GADL1: variants seen among roughly 807,000 people sequenced by gnomAD.
GADL1 encodes acidic amino acid decarboxylase GADL1.
In GADL1, 71 loss-of-function variants were observed where a neutral mutation model predicts 69.5. The ratio of observed to expected loss-of-function variants is 1.02; its 90% confidence interval spans 0.84 to 1.25. The LOEUF (loss-of-function observed/expected upper bound fraction) is 1.25. Among genes scored for constraint, GADL1 ranks in the 50% most tolerant of loss-of-function variants. The pLI is 0.00. For synonymous variants in GADL1, 254 were observed against 214.4 expected, an observed-to-expected ratio of 1.18 and a Z score of -1.62; for missense variants, 737 against 631.8, an observed-to-expected ratio of 1.17 and a Z score of -1.79.
At chr3:30,840,718 C>T (rs997224007) in intron 8 of GADL1, among the ~76,000 whole-genome samples, 7 of 152,136 alleles carry the variant, frequency 4.6e-5, no homozygotes, top group Non-Finnish European at 7.4e-5. Flanking sequence ...TTTTCCTCAC[C>T]TTTAAAAAAA....
chr3:30,829,859 ACAAATAGTAATTATACACACTATTATG>A (rs1697758405), intron 11 of GADL1, among the ~76,000 whole-genome samples: 1 of 151,954 alleles, frequency 6.6e-6, no homozygotes, highest in Non-Finnish European at 1.5e-5. Context: ...AATCATAATT[ACAAATAGTAATTATACACACTATTATG>A]CAAATAGTAA....
chr3:30,843,190 A>G (rs1697996687), intron 8 of GADL1, among the ~76,000 whole-genome samples: 1 of 151,900 alleles, frequency 6.6e-6, no homozygotes, highest in Non-Finnish European at 1.5e-5. Context: ...GGGATGGGAG[A>G]GAAGCAGCAA....
At chr3:30,844,115 G>A in intron 8 of GADL1, 95 bp downstream of exon 8, 3 of 910,772 alleles carry the variant, frequency 3.3e-6, no homozygotes, top group Non-Finnish European at 5.2e-6. Context: ...TTGGCTGTTT[G>A]CATTCTCTCC....
At chr3:30,850,162 G>T (rs113168495) in intron 5 of GADL1, 51 bp from the exon 6 acceptor site, 9 of 962,254 alleles carry the variant, frequency 9.4e-6, no homozygotes, top group East Asian at 2.5e-5. Context: ...GTTATAGCTC[G>T]CAAAATGCTG....
At chr3:30,769,510 C>G (rs117019208) in intron 14 of GADL1, among the ~76,000 whole-genome samples, 1 of 152,122 alleles carries the variant, frequency 6.6e-6, no homozygotes, top group Non-Finnish European at 1.5e-5. Flanking sequence ...CTGCTTCCCC[C>G]CTGTGCCTGC....
At chr3:30,817,239 T>C (rs1222176339) in intron 11 of GADL1, among the ~76,000 whole-genome samples, 1 of 152,152 alleles carries the variant, frequency 6.6e-6, no homozygotes, top group Non-Finnish European at 1.5e-5. Context: ...TGTAGAGGCA[T>C]TGAGAAAAAT....
chr3:30,822,047 C>T (rs869486), intron 11 of GADL1, among the ~76,000 whole-genome samples: 55,252 of 151,762 alleles, frequency 0.36, 13,807 homozygotes, highest in African/African-American at 0.68. Context: ...TTAGGTTTCA[C>T]TTGGTACACC....
intron 1 of GADL1, among the ~76,000 whole-genome samples, chr3:30,894,227 G>A (rs2125549580): frequency 6.6e-6 from 1 of 152,298 alleles, no homozygotes; most frequent in South Asian, 2.1e-4. Context: ...TTGTCCCCCA[G>A]AAAGAAGCAA....
intron 6 of GADL1, among the ~76,000 whole-genome samples, chr3:30,846,055 A>C (rs1453795984): frequency 1.2e-5 from 1 of 85,296 alleles, no homozygotes; most frequent in Non-Finnish European, 2.0e-5. Flanking sequence ...TAGATAGATC[A>C]AAAAAAAAAA....
intron 9 of GADL1, among the ~76,000 whole-genome samples, chr3:30,837,548 A>G (rs181393011): frequency 1.8e-4 from 27 of 152,272 alleles, no homozygotes; most frequent in African/African-American, 5.5e-4. Context: ...AATTTTCTCT[A>G]AGCCCCATAA....
At position 30,887,497 on chromosome 3, in the gene GADL1, A is replaced by G. The variant is rs1464706905; in HGVS notation, c.37+7081T>C. On this transcript the variant is annotated intron_variant, in intron 1 of 14. Coordinates refer to ENST00000282538, the MANE Select transcript of GADL1 (RefSeq NM_207359.3). ...GCCCCTTCGCCATGTAATGCCCTGC[A>G]CCACCTTGGGATACTGAAAAGAATC... Among the ~76,000 whole-genome samples the G allele has an allele frequency of 7.9e-5, 12 of 152,280 alleles. No individual in the cohort carries two copies. The East Asian group carries it at 2.3e-3, about 29-fold the overall frequency.
chr3:30,892,523 C>T (rs1203201049), intron 1 of GADL1, among the ~76,000 whole-genome samples: 1 of 152,172 alleles, frequency 6.6e-6, no homozygotes, highest in Non-Finnish European at 1.5e-5. Flanking sequence ...AGATTTAAGG[C>T]AAACTTTGAA....
chr3:30,815,639 A>G (rs184488255), intron 11 of GADL1, among the ~76,000 whole-genome samples: 9 of 152,368 alleles, frequency 5.9e-5, no homozygotes, highest in Non-Finnish European at 1.3e-4. Flanking sequence ...TTTATAGGTC[A>G]GTTTAACCCG....
At position 30,857,208 on chromosome 3, in the gene GADL1, C is replaced by T. The variant is rs11919706; in HGVS notation, c.211-67G>A. 4,806 of 1,372,480 alleles carry T rather than the reference C, an allele frequency of 3.5e-3. 83 individuals carry two copies. The African/African-American group carries it at 0.044, about 13-fold the overall frequency. The allele number at this position is 1,372,480 out of a possible 1,614,324, so 85.0% of individuals were successfully genotyped here. A position where few individuals can be genotyped will look rare whatever the true frequency, so the allele number is the denominator to read the frequency against. Reference sequence around the variant, plus strand: ...CCAGGTATTGAGAGGATGTTACAAACGTGGACTCTACCATTACAAAGCTTC... The same window carrying T: ...CCAGGTATTGAGAGGATGTTACAAATGTGGACTCTACCATTACAAAGCTTC... On this transcript the variant is annotated intron_variant, in intron 2 of 14. Coordinates refer to ENST00000282538, the MANE Select transcript of GADL1 (RefSeq NM_207359.3).
At chr3:30,834,409 A>C in intron 9 of GADL1, 128 bp from the exon 10 acceptor site, 1 of 737,804 alleles carries the variant, frequency 1.4e-6, no homozygotes, top group Middle Eastern at 2.5e-4. Flanking sequence ...CATGTTAACT[A>C]ATTTGTACCC....
At chr3:30,827,358 A>G (rs1445612586) in intron 11 of GADL1, among the ~76,000 whole-genome samples, 1 of 151,830 alleles carries the variant, frequency 6.6e-6, no homozygotes, top group African/African-American at 2.4e-5. Flanking sequence ...GTGGTAACTG[A>G]TGATTGAGAT....
chr3:30,740,105 C>T (rs1024853881), intron 14 of GADL1, among the ~76,000 whole-genome samples: 3 of 152,074 alleles, frequency 2.0e-5, no homozygotes, highest in African/African-American at 7.2e-5. Context: ...TAGAGGGGCT[C>T]CCACAAGGGG....
chr3:30,867,439 T>TATATATATATATATAC lies in GADL1; in HGVS notation c.38-5675_38-5674insGTATATATATATATAT, dbSNP rs1319135425. Among the ~76,000 whole-genome samples, 59 of 138,868 alleles carry TATATATATATATATAC rather than the reference T, an allele frequency of 4.2e-4. 1 individual carries two copies. The highest frequency in any genetic ancestry group is 3.7e-3 in the East Asian group (16 of 4,378). 91.1% of individuals were successfully genotyped at this position (138,868 alleles called of 152,430 possible). On this transcript the variant is annotated intron_variant, in intron 1 of 14. Transcript: ENST00000282538. ...ACAATACTACATATATATATATATATACACATATATGTATATATATACATA... is the reference window on the plus strand; with the variant it reads ...ACAATACTACATATATATATATATATATATATATATATATACACACATATATGTATATATATACATA...
chr3:30,727,036 T>C lies in GADL1; in HGVS notation c.*1206A>G, dbSNP rs1199941135. Reference sequence around the variant, plus strand: ...CCCTATGAGGCACAGAGCAAGATAATAAACAAGCCCCTCAAGCTAAAAGAG... The same window carrying C: ...CCCTATGAGGCACAGAGCAAGATAACAAACAAGCCCCTCAAGCTAAAAGAG... On this transcript the variant is annotated 3_prime_UTR_variant, in exon 15 of 15. Coordinates refer to ENST00000282538, the MANE Select transcript of GADL1 (RefSeq NM_207359.3). 1 of 151,830 alleles carries C rather than the reference T, an allele frequency of 6.6e-6. No individual in the cohort carries two copies. Among genetic ancestry groups the C allele is most frequent in the Non-Finnish European group, 1.5e-5 (1 of 67,886 alleles). 9.4% of individuals were successfully genotyped at this position (151,830 alleles called of 1,614,324 possible). A position where few individuals can be genotyped will look rare whatever the true frequency, so the allele number is the denominator to read the frequency against.
Sources: allele counts gnomAD v4.1 joint callset (sites outside exome capture counted in the v4.1 genomes callset), GRCh38; gene constraint gnomAD v4.1.1; transcripts MANE v1.5; gene names NCBI Gene and HGNC (gene_info 2026-07-23, HGNC 2026-07-21).